The following MYH14 variants were observed in gnomAD, a reference collection of about 807,000 sequenced individuals.
The protein encoded by MYH14 is myosin heavy chain 14.
In MYH14, 123 loss-of-function variants were observed where a neutral mutation model predicts 255.5. The ratio of observed to expected loss-of-function variants is 0.48; its 90% confidence interval spans 0.42 to 0.56. The LOEUF is 0.56. MYH14 is among the 20% of genes least tolerant of loss of function. MYH14 has a pLI of 0.00. For synonymous variants in MYH14, 1,095 were observed against 1,161.2 expected, an observed-to-expected ratio of 0.94 and a Z score of 1.16; for missense variants, 2,423 against 2,802.3, an observed-to-expected ratio of 0.86 and a Z score of 3.06.
intron 15 of MYH14, among the ~76,000 whole-genome samples, chr19:50,251,559 CACACACACACAT>C (rs1216350115): frequency 6.1e-4 from 63 of 102,996 alleles, no homozygotes; most frequent in African/African-American, 1.6e-3. Context: ...CACACACACA[CACACACACACAT>C]ATATATATGT....
chr19:50,300,581 T>C (rs2036446495), intron 39 of MYH14, among the ~76,000 whole-genome samples: 1 of 152,004 alleles, frequency 6.6e-6, no homozygotes, highest in Non-Finnish European at 1.5e-5. Context: ...AAACCCCATC[T>C]CTACAAAAAA....
chr19:50,279,980 G>A, intron 30 of MYH14, 57 bp from the exon 31 acceptor site: 4 of 1,244,494 alleles, frequency 3.2e-6, no homozygotes, highest in Non-Finnish European at 4.6e-6. Flanking sequence ...TGAGGCAGAT[G>A]GGGTCACTGG....
At chr19:50,238,898 C>T (rs374311543) in intron 10 of MYH14, among the ~76,000 whole-genome samples, 13 of 152,290 alleles carry the variant, frequency 8.5e-5, no homozygotes, top group East Asian at 5.8e-4. Context: ...GTATTTCCTA[C>T]GAACATTCCT....
At position 50,271,517 on chromosome 19, in the gene MYH14, C is replaced by T. The variant is rs531757648; in HGVS notation, c.3142C>T (p.Leu1048=). 3 of 1,606,488 alleles carry T rather than the reference C, an allele frequency of 1.9e-6. No individual in the cohort carries two copies. Among genetic ancestry groups the T allele is most frequent in the African/African-American group, 2.7e-5 (2 of 74,912 alleles). Residue 1048 remains leucine, a synonymous_variant, in exon 25 of 43, where the codon CTG becomes TTG. Transcript: ENST00000642316. ...MKKFEEDLLL[L]EDQNSKLSKE... is the part of the protein sequence containing the mutation. ...GAAATTTGAAGAGGACCTGCTGCTC[C>T]TGGAAGACCAGAATTCCAAGCTGAG...
At position 50,276,715 on chromosome 19, in the gene MYH14, C is replaced by G. The variant is rs554621355; in HGVS notation, c.3681-42C>G. On this transcript the variant is annotated intron_variant, in intron 28 of 42. Coordinates refer to ENST00000642316, the MANE Select transcript of MYH14 (RefSeq NM_001145809.2). This position sits in a 1 kb window ranked among gnomAD's most constrained non-coding sequence, Gnocchi z 4.3. The stretch of plus-strand genomic sequence containing the variant: ...GCTCCCCCAAAGCCCCTGCCTTCCT[C>G]TGCTCTGAAATTCCCATCCTCTCTC... 6.8e-6 allele frequency: 11 copies of G among 1,612,580 alleles called. No individual in the cohort carries two copies. The African/African-American group carries it at 1.2e-4, about 18-fold the overall frequency.
Position 50,309,721 on chromosome 19 carries a change from A to G in MYH14, c.6042A>G (p.Ala2014=). ...AGGGCGTGGCATCCGACGAGGAGGC[A>G]GAGGAAGCACAGCCTGGGTCTGGGC... The part of the protein sequence containing the change: ...LEEGVASDEE[A]EEAQPGSGPS... The change falls in exon 43 of 43, where the codon GCA becomes GCG. Residue 2014 remains alanine (A), a synonymous_variant. Coordinates refer to ENST00000642316, the MANE Select transcript of MYH14 (RefSeq NM_001145809.2). 6.2e-7 allele frequency: 1 copy of G among 1,602,942 alleles called. No homozygotes were observed. Among genetic ancestry groups the G allele is most frequent in the South Asian group, 1.1e-5 (1 of 88,766 alleles).
chr19:50,301,444 A>T (rs999771447), intron 39 of MYH14, among the ~76,000 whole-genome samples: 23 of 152,346 alleles, frequency 1.5e-4, no homozygotes, highest in African/African-American at 5.5e-4. Context: ...ACTATCCAAA[A>T]TGTTAAGACC....
At chr19:50,290,324 C>T (rs1163891898) in intron 35 of MYH14, among the ~76,000 whole-genome samples, 24 of 152,180 alleles carry the variant, frequency 1.6e-4, no homozygotes, top group Admixed American at 1.6e-3. Context: ...TTCCATTGCT[C>T]TCTCCCTCCC....
chr19:50,281,744 C>A lies in MYH14; in HGVS notation c.4441C>A (p.Arg1481Ser). 1.2e-6 allele frequency: 2 copies of A among 1,611,944 alleles called. No individual in the cohort carries two copies. Among genetic ancestry groups the A allele is most frequent in the Non-Finnish European group, 1.7e-6 (2 of 1,179,590 alleles). The change falls in exon 33 of 43, where the codon CGC (arginine) becomes AGC (serine). Residue 1481 changes from arginine (R) to serine (S), a missense_variant. Arg to Ser is a moderately radical substitution (Grantham distance 110). Transcript: ENST00000642316. ...CGTGGATCGGCTGGAGCGGGGCCGC[C>A]GCCGGCTGCAGCAGGAGCTGGACGA... is the stretch of plus-strand genomic sequence containing the variant. ...ETVDRLERGR[R>S]RLQQELDDAT...
At position 50,217,713 on chromosome 19, in the gene MYH14, C is replaced by A; in HGVS notation, c.504C>A (p.His168Gln). Residue 168 changes from histidine to glutamine, a missense_variant, in exon 3 of 43, where the codon CAC becomes CAA. Coordinates refer to ENST00000642316, the MANE Select transcript of MYH14 (RefSeq NM_001145809.2). ...AGATGTACCGGGGCAAGAAGCGCCA[C>A]GAGGTGCCACCCCACGTGTACGCAG... ...IVEMYRGKKRHEVPPHVYAVT... is the reference protein window; with the variant it reads ...IVEMYRGKKRQEVPPHVYAVT... 6.2e-7 allele frequency: 1 copy of A among 1,613,980 alleles called. No individual in the cohort carries two copies. Among genetic ancestry groups the A allele is most frequent in the South Asian group, 1.1e-5 (1 of 91,086 alleles).
chr19:50,215,289 G>T (rs1200426768), intron 2 of MYH14, among the ~76,000 whole-genome samples: 1 of 152,208 alleles, frequency 6.6e-6, no homozygotes, highest in Non-Finnish European at 1.5e-5. Context: ...GCAGCCATGA[G>T]ATACCCTCCC....
In MYH14 at chr19:50,305,381, C is replaced by G. The variant is rs370773347; in HGVS notation, c.5679-1668C>G. Among the ~76,000 whole-genome samples the G allele has an allele frequency of 2.8e-4, 42 of 152,134 alleles. 1 individual carries two copies. The South Asian group carries it at 8.7e-3, about 32-fold the overall frequency. On this transcript the variant is annotated intron_variant, in intron 40 of 42. Coordinates refer to ENST00000642316, the MANE Select transcript of MYH14 (RefSeq NM_001145809.2). Reference sequence around the variant, plus strand: ...AAGAAGACACTGTTTGGAGCTAAGGCCTGGTGACTGAGGGAATATTGGCTT... The same window carrying G: ...AAGAAGACACTGTTTGGAGCTAAGGGCTGGTGACTGAGGGAATATTGGCTT...
chr19:50,282,016 T>C (rs1318449250), intron 33 of MYH14, among the ~76,000 whole-genome samples, 174 bp downstream of exon 33: 1 of 152,224 alleles, frequency 6.6e-6, no homozygotes, highest in African/African-American at 2.4e-5. Flanking sequence ...CATCCCTCTG[T>C]CCTGATTCAT....
At chr19:50,297,518 A>T (rs1343028643) in intron 39 of MYH14, among the ~76,000 whole-genome samples, 1 of 16,082 alleles carries the variant, frequency 6.2e-5, no homozygotes, top group African/African-American at 9.9e-5. Context: ...TTTTTTTGAG[A>T]CAGAGTCTCG....
chr19:50,287,286 G>A (rs2035923727), intron 34 of MYH14, among the ~76,000 whole-genome samples: 1 of 152,246 alleles, frequency 6.6e-6, no homozygotes, highest in Non-Finnish European at 1.5e-5. Flanking sequence ...CAGAACGTGA[G>A]GAGAATCTTC....
rs371338704 is a variant in MYH14 at position 50,223,111 on chromosome 19, G to A, written c.590+1G>A. 4 of 1,613,586 alleles carry A rather than the reference G, an allele frequency of 2.5e-6. No homozygotes were observed. Among genetic ancestry groups the A allele is most frequent in the East Asian group, 2.2e-5 (1 of 44,884 alleles). ...GTGAGGACCAGTCCATTCTCTGCAC[G>A]TGAGTAATCTGGAAGGACTTCCTGG... On this transcript the variant is annotated splice_donor_variant, in intron 4 of 42. Transcript: ENST00000642316. LOFTEE classifies it high-confidence loss of function.
chr19:50,290,947 G>A lies in MYH14; in HGVS notation c.5026G>A (p.Ala1676Thr). ...GAAGCAGCGCACTCTGGCCGTGGCT[G>A]CCCGCAAGAAGCTGGAGGGAGAGCT... ...ERKQRTLAVA[A>T]RKKLEGELEE... The change falls in exon 36 of 43, where the codon GCC becomes ACC. Residue 1676 changes from alanine (A) to threonine (T), a missense_variant. Physicochemically the swap from Ala to Thr is moderately conservative, Grantham distance 58. Transcript: ENST00000642316. 6.3e-7 allele frequency: 1 copy of A among 1,597,352 alleles called. No homozygotes were observed. Among genetic ancestry groups the A allele is most frequent in the Non-Finnish European group, 8.5e-7 (1 of 1,172,690 alleles).
At position 50,278,142 on chromosome 19, in the gene MYH14, G is replaced by C. The variant is rs1249522556; in HGVS notation, c.3885G>C (p.Arg1295=). The C allele has an allele frequency of 1.9e-6, 3 of 1,608,990 alleles. No homozygotes were observed. Among genetic ancestry groups the C allele is most frequent in the Admixed American group, 3.3e-5 (2 of 59,818 alleles). ...TGGAGGCCGAGGTGTCCGAGCTGCG[G>C]GCAGAACTGAGCAGCCTGCAGACTG... ...LALEAEVSEL[R]AELSSLQTAR... The change falls in exon 30 of 43, where the codon CGG becomes CGC. Residue 1295 remains arginine, a synonymous_variant. Coordinates refer to ENST00000642316, the MANE Select transcript of MYH14 (RefSeq NM_001145809.2).
intron 24 of MYH14, among the ~76,000 whole-genome samples, chr19:50,270,895 C>T (rs1259844846): frequency 1.3e-5 from 2 of 152,010 alleles, no homozygotes; most frequent in South Asian, 2.1e-4. Flanking sequence ...GGGGTTTCAC[C>T]GTGTTAGCCA....
Sources: allele counts gnomAD v4.1 joint callset (sites outside exome capture counted in the v4.1 genomes callset), GRCh38; gene constraint gnomAD v4.1.1; non-coding constraint Gnocchi (gnomAD v3.1); transcripts MANE v1.5; gene names NCBI Gene and HGNC (gene_info 2026-07-23, HGNC 2026-07-21).